ADARB2: variants seen among roughly 807,000 people sequenced by gnomAD.
The protein encoded by ADARB2 is inactive double-stranded RNA-specific editase B2.
ADARB2 carries 25 observed loss-of-function variants against 62.2 expected under a neutral mutation model. The ratio of observed to expected loss-of-function variants is 0.40; its 90% CI spans 0.29 to 0.56. The LOEUF is 0.56. ADARB2 is among the 20% of genes least tolerant of loss of function. The pLI, the probability that ADARB2 is intolerant of heterozygous loss-of-function variation, is 0.43. For synonymous variants in ADARB2, 572 were observed against 500.8 expected, an observed-to-expected ratio of 1.14 and a Z score of -1.90; for missense variants, 1,071 against 1,077.4, an observed-to-expected ratio of 0.99 and a Z score of 0.08.
At chr10:1,500,832 C>T (rs1341942898) in intron 1 of ADARB2, among the ~76,000 whole-genome samples, 4 of 152,186 alleles carry the variant, frequency 2.6e-5, no homozygotes, top group African/African-American at 9.7e-5. Context: ...TGTGCTGTCC[C>T]TGAAACCTAG....
chr10:1,730,020 G>A (rs1252178816), intron 1 of ADARB2, among the ~76,000 whole-genome samples: 1 of 152,194 alleles, frequency 6.6e-6, no homozygotes, highest in Non-Finnish European at 1.5e-5. Flanking sequence ...GGGTTTAAAG[G>A]AATTCTTTCC....
At chr10:1,585,394 A>T (rs1052779794) in intron 1 of ADARB2, among the ~76,000 whole-genome samples, 3 of 152,226 alleles carry the variant, frequency 2.0e-5, no homozygotes, top group African/African-American at 7.2e-5. Flanking sequence ...AAGATAAAAA[A>T]AAGCTACATG....
intron 6 of ADARB2, among the ~76,000 whole-genome samples, chr10:1,227,063 C>A (rs956438958): frequency 1.3e-5 from 2 of 152,244 alleles, no homozygotes; most frequent in African/African-American, 4.8e-5. Flanking sequence ...GTTTGAGCTT[C>A]CAGGCTGCTT....
chr10:1,576,450 C>T (rs1275775726), intron 1 of ADARB2, among the ~76,000 whole-genome samples: 1 of 152,128 alleles, frequency 6.6e-6, no homozygotes, highest in African/African-American at 2.4e-5. Context: ...GAGGGCTCTC[C>T]CTGCTGGACT....
intron 3 of ADARB2, among the ~76,000 whole-genome samples, chr10:1,307,407 A>G (rs1369372494): frequency 2.1e-5 from 3 of 142,540 alleles, no homozygotes; most frequent in African/African-American, 5.0e-5. Context: ...TTAGAATGGC[A>G]ATCATTAAAA....
chr10:1,193,118 G>A (rs181523547), intron 8 of ADARB2, among the ~76,000 whole-genome samples: 102 of 152,342 alleles, frequency 6.7e-4, no homozygotes, highest in African/African-American at 2.0e-3. Flanking sequence ...TGGCTGCACC[G>A]TCTGTGAATG....
At chr10:1,497,978 C>G (rs1588278193) in intron 1 of ADARB2, among the ~76,000 whole-genome samples, 1 of 151,600 alleles carries the variant, frequency 6.6e-6, no homozygotes, top group African/African-American at 2.4e-5. Context: ...TTCTGGGTGG[C>G]AAAGATAAAA....
rs367967112 is a variant in ADARB2, at chr10:1,217,061, C to A, written c.1572G>T (p.Glu524Asp). Residue 524 changes from glutamate (E) to aspartate (D), a missense_variant, in exon 7 of 10, where the codon GAG (glutamate) becomes GAT (aspartate). By Grantham distance (45) the Glu-to-Asp change is conservative (BLOSUM62 2). Coordinates refer to ENST00000381312, the MANE Select transcript of ADARB2 (RefSeq NM_018702.4). Reference protein sequence around the residue: ...KFRGHLRTKIESGEGTVPVRG... With the variant: ...KFRGHLRTKIDSGEGTVPVRG... ...GCACGGGGACCGTCCCTTCCCCGGA[C>A]TCGATCTTGGTGCGCAGGTGCCCGC... 31 of 1,610,008 alleles carry A rather than the reference C, an allele frequency of 1.9e-5. No homozygotes were observed. The African/African-American group carries it at 4.0e-4, about 21-fold the overall frequency.
At chr10:1,321,192 C>T (rs1831791341) in intron 3 of ADARB2, among the ~76,000 whole-genome samples, 1 of 152,092 alleles carries the variant, frequency 6.6e-6, no homozygotes, top group Non-Finnish European at 1.5e-5. Context: ...GATCTCTCCT[C>T]CTACACACTT....
rs534548786 is a variant in ADARB2 at position 1,386,762 on chromosome 10, G to A, written c.101-7602C>T. Among the ~76,000 whole-genome samples the A allele has an allele frequency of 5.3e-5, 8 of 151,996 alleles. No homozygotes were observed. The East Asian group carries it at 1.5e-3, about 29-fold the overall frequency. On this transcript the variant is annotated intron_variant, in intron 1 of 9. Coordinates refer to ENST00000381312, the MANE Select transcript of ADARB2 (RefSeq NM_018702.4). ...TGATAGAACAAGTAGTGAGAAAAAG[G>A]TGGTATAGAACAAAAAATTAGAAGA...
intron 1 of ADARB2, among the ~76,000 whole-genome samples, chr10:1,626,261 A>ACGCC (rs1564350926): frequency 8.1e-6 from 1 of 123,916 alleles, no homozygotes; most frequent in Admixed American, 8.2e-5. Flanking sequence ...ACATCTGCCC[A>ACGCC]TGCTCTCTCC....
At chr10:1,561,316 G>A (rs1356904363) in intron 1 of ADARB2, among the ~76,000 whole-genome samples, 1 of 152,190 alleles carries the variant, frequency 6.6e-6, no homozygotes, top group African/African-American at 2.4e-5. Flanking sequence ...GACAACTTGT[G>A]CTTCAAATGC....
intron 1 of ADARB2, among the ~76,000 whole-genome samples, chr10:1,479,248 G>A (rs1186960281): frequency 2.0e-5 from 3 of 152,202 alleles, no homozygotes; most frequent in Admixed American, 6.5e-5. Context: ...AGGACCGGGG[G>A]TACAGACCAG....
intron 1 of ADARB2, among the ~76,000 whole-genome samples, chr10:1,533,756 C>T (rs547479886): frequency 2.0e-5 from 3 of 152,264 alleles, no homozygotes; most frequent in African/African-American, 7.2e-5. Context: ...CCATTTCCTC[C>T]TCGGAGTAAC....
chr10:1,205,002 A>G (rs1455471212), intron 7 of ADARB2, among the ~76,000 whole-genome samples: 2 of 152,148 alleles, frequency 1.3e-5, no homozygotes, highest in African/African-American at 4.8e-5. Flanking sequence ...GCAGCTTGGG[A>G]TGCCTCAGCC....
chr10:1,434,501 G>A (rs1199483095), intron 1 of ADARB2, among the ~76,000 whole-genome samples: 2 of 152,152 alleles, frequency 1.3e-5, no homozygotes, highest in African/African-American at 4.8e-5. Flanking sequence ...TTATACAACG[G>A]CTGGAATAGG....
intron 8 of ADARB2, among the ~76,000 whole-genome samples, chr10:1,193,630 T>C (rs1171679128): frequency 6.6e-6 from 1 of 152,238 alleles, no homozygotes; most frequent in African/African-American, 2.4e-5. Context: ...GAGTGTTTTC[T>C]GGAGAGTGAG....
In ADARB2 at chr10:1,596,352, AG is replaced by A. The variant is rs148187591; in HGVS notation, c.100+140698del. 8.5e-3 allele frequency among the ~76,000 whole-genome samples: 1,293 copies of A among 152,342 alleles called. 23 individuals carry two copies. The highest frequency in any genetic ancestry group is 0.029 in the African/African-American group (1,209 of 41,572). On this transcript the variant is annotated intron_variant, in intron 1 of 9. Transcript: ENST00000381312. Reference sequence around the variant, plus strand: ...TAGGAGTAAAATGGCTCAAGTATAAAGAAAATCTTCCATGAAGAGGGATCCT... The same window carrying A: ...TAGGAGTAAAATGGCTCAAGTATAAAAAAATCTTCCATGAAGAGGGATCCT...
At chr10:1,301,485 A>G (rs952785356) in intron 3 of ADARB2, among the ~76,000 whole-genome samples, 4 of 152,216 alleles carry the variant, frequency 2.6e-5, no homozygotes, top group African/African-American at 9.7e-5. Context: ...TTGAATATCA[A>G]TCAATGCCCA....
Sources: gnomAD v4.1 joint callset for allele counts (sites outside exome capture counted in the v4.1 genomes callset) on GRCh38, gnomAD v4.1.1 for gene constraint, MANE v1.5 for transcripts, NCBI Gene and HGNC (gene_info 2026-07-23, HGNC 2026-07-21) for gene names.